TRIO: variants seen among roughly 807,000 people sequenced by gnomAD.
TRIO encodes triple functional domain protein.
A neutral mutation model predicts 351.9 loss-of-function variants in TRIO; 58 were observed. The observed-to-expected ratio is 0.16, with a 90% CI of 0.13 to 0.21. The LOEUF is 0.21. TRIO is among the 10% of genes least tolerant of loss of function. The pLI, the probability that TRIO is intolerant of heterozygous loss-of-function variation, is 1.00. For synonymous variants in TRIO, 1,758 were observed against 1,595.7 expected (o/e 1.10, Z -2.42); for missense variants, 3,201 against 4,027.8 (o/e 0.79, Z 5.56).
chr5:14,368,406 T>G (rs556919554), intron 16 of TRIO, among the ~76,000 whole-genome samples: 4 of 152,338 alleles, frequency 2.6e-5, no homozygotes, highest in South Asian at 4.1e-4. Context: ...ACCACTTCTT[T>G]GGCTGTTAAG....
In TRIO at chr5:14,159,450, T is replaced by A. The variant is rs543563446; in HGVS notation, c.157+15568T>A. 2.0e-5 allele frequency among the ~76,000 whole-genome samples: 3 copies of A among 152,348 alleles called. No homozygotes were observed. In the South Asian group the frequency reaches 6.2e-4, roughly 32 times the overall value. On this transcript the variant is annotated intron_variant, in intron 1 of 56. Transcript: ENST00000344204. The stretch of plus-strand genomic sequence containing the variant: ...TGATGATGCTTTAGCTTTTATTGTT[T>A]TTTAAACATTCTGGGAAAGTTGAAG...
intron 8 of TRIO, among the ~76,000 whole-genome samples, chr5:14,308,523 C>A (rs1738590229): frequency 6.6e-6 from 1 of 151,846 alleles, no homozygotes; most frequent in Non-Finnish European, 1.5e-5. Flanking sequence ...TCCCAACCTC[C>A]ATCCATTTAT....
At chr5:14,194,856 C>T (rs1194260278) in intron 1 of TRIO, among the ~76,000 whole-genome samples, 1 of 152,104 alleles carries the variant, frequency 6.6e-6, no homozygotes, top group Non-Finnish European at 1.5e-5. Context: ...TACCTTTTAC[C>T]CAGATATCTT....
At chr5:14,478,576 T>C (rs1378631621) in intron 41 of TRIO, among the ~76,000 whole-genome samples, 3 of 152,130 alleles carry the variant, frequency 2.0e-5, no homozygotes, top group Non-Finnish European at 4.4e-5. Context: ...TTAAAGAGCT[T>C]CTTCTCTACT....
At position 14,497,699 on chromosome 5, in the gene TRIO, G is replaced by C. The variant is rs1440003820; in HGVS notation, c.8020-148G>C. 1.0e-6 allele frequency: 1 copy of C among 976,862 alleles called. No individual in the cohort carries two copies. Among genetic ancestry groups the C allele is most frequent in the Non-Finnish European group, 1.6e-6 (1 of 624,552 alleles). The allele number at this position is 976,862 out of a possible 1,614,324, so 60.5% of individuals were successfully genotyped here. A position where few individuals can be genotyped will look rare whatever the true frequency, so the allele number is the denominator to read the frequency against. On this transcript the variant is annotated intron_variant, in intron 50 of 56. Transcript: ENST00000344204. The surrounding 1 kb of genome is among the most constrained non-coding windows in gnomAD (Gnocchi z 4.4). ...AATTAGTGTGACATGAAACTTTTGAGTGCAGTGAAAATGTGGTCTGTTTTG... is the reference window on the plus strand; with the variant it reads ...AATTAGTGTGACATGAAACTTTTGACTGCAGTGAAAATGTGGTCTGTTTTG...
At chr5:14,387,666 G>A (rs763433787) in intron 22 of TRIO, 34 bp downstream of exon 22, 3 of 1,608,772 alleles carry the variant, frequency 1.9e-6, no homozygotes, top group East Asian at 2.2e-5. Flanking sequence ...ATAAATTATG[G>A]TCTTCTTCCT....
chr5:14,489,861 G>C (rs1005552737), intron 48 of TRIO, among the ~76,000 whole-genome samples: 14 of 152,156 alleles, frequency 9.2e-5, no homozygotes, highest in Admixed American at 7.2e-4. Flanking sequence ...CTTCCTACTT[G>C]TTCTCATGTG....
chr5:14,380,346 G>GCTCCTCGCTCCTCC (rs1561417323), intron 20 of TRIO, among the ~76,000 whole-genome samples: 1 of 148,636 alleles, frequency 6.7e-6, no homozygotes, highest in African/African-American at 2.5e-5. Context: ...TTCGCTCCTC[G>GCTCCTCGCTCCTCC]CTCCTCGCTC....
At chr5:14,228,824 T>A (rs1161181642) in intron 1 of TRIO, among the ~76,000 whole-genome samples, 1 of 151,840 alleles carries the variant, frequency 6.6e-6, no homozygotes, top group Non-Finnish European at 1.5e-5. Context: ...TGAGCCGAGA[T>A]CATGCCACTG....
chr5:14,280,369 A>C lies in TRIO; in HGVS notation c.280A>C (p.Ser94Arg). The change falls in exon 3 of 57, where the codon AGC (serine) becomes CGC (arginine). Residue 94 changes from serine to arginine, a missense_variant. Ser to Arg is a moderately radical substitution (Grantham distance 110). Around this residue, in one of 19 missense-constraint regions of TRIO, gnomAD observed 109 missense variants for 134.6 expected, o/e 0.81. Transcript: ENST00000344204. Reference protein sequence around the residue: ...GGPILTFPARSNHDRIRQEDL... With the variant: ...GGPILTFPARRNHDRIRQEDL... Reference sequence around the variant, plus strand: ...TCCCATTTTAACGTTTCCGGCCCGCAGCAATCATGACAGAATACGACAGGA... The same window carrying C: ...TCCCATTTTAACGTTTCCGGCCCGCCGCAATCATGACAGAATACGACAGGA... 1 of 1,614,178 alleles carries C rather than the reference A, an allele frequency of 6.2e-7. No individual in the cohort carries two copies. The highest frequency in any genetic ancestry group is 1.1e-5 in the South Asian group (1 of 91,082).
In TRIO at chr5:14,487,816, C is replaced by CCGAGG; in HGVS notation, c.7188_7189insCGAGG (p.Ala2397ArgfsTer18). 6.8e-7 allele frequency: 1 copy of CCGAGG among 1,464,254 alleles called. No individual in the cohort carries two copies. The highest frequency in any genetic ancestry group is 9.0e-7 in the Non-Finnish European group (1 of 1,107,094). 90.7% of individuals were successfully genotyped at this position (1,464,254 alleles called of 1,614,324 possible). A position where few individuals can be genotyped will look rare whatever the true frequency, so the allele number is the denominator to read the frequency against. On this transcript the variant is annotated frameshift_variant, in exon 48 of 57. Transcript: ENST00000344204. LOFTEE classifies it high-confidence loss of function. ...GCGCGCCCAGCAGGCGGCCCCCCGG[C>CCGAGG]GCGGACGCCGAGGGGTCCGAGCGAG...
chr5:14,182,012 A>T (rs1789801161), intron 1 of TRIO, among the ~76,000 whole-genome samples: 1 of 152,152 alleles, frequency 6.6e-6, no homozygotes, highest in East Asian at 1.9e-4. Context: ...TAAGAAATTA[A>T]TATTTTGAAT....
chr5:14,396,617 A>C (rs1377733467), intron 28 of TRIO, among the ~76,000 whole-genome samples: 2 of 150,976 alleles, frequency 1.3e-5, no homozygotes, highest in African/African-American at 2.4e-5. Context: ...TTACAGGTGC[A>C]TGCCACCATG....
intron 8 of TRIO, among the ~76,000 whole-genome samples, chr5:14,312,857 T>C (rs1026910894): frequency 1.3e-5 from 2 of 152,246 alleles, no homozygotes; most frequent in African/African-American, 2.4e-5. Flanking sequence ...TTAAAAATTA[T>C]TATCTCTATA....
At chr5:14,435,345 C>A (rs948175682) in intron 34 of TRIO, among the ~76,000 whole-genome samples, 1 of 152,180 alleles carries the variant, frequency 6.6e-6, no homozygotes, top group African/African-American at 2.4e-5. Context: ...GCAGACTTCC[C>A]GAGGCTCCAC....
At chr5:14,257,797 T>A (rs966164663) in intron 1 of TRIO, among the ~76,000 whole-genome samples, 1 of 152,228 alleles carries the variant, frequency 6.6e-6, no homozygotes, top group African/African-American at 2.4e-5. Flanking sequence ...TAGTTTTAAG[T>A]AAAGATGTCT....
chr5:14,160,302 AC>A (rs1237133772), intron 1 of TRIO, among the ~76,000 whole-genome samples: 4 of 152,166 alleles, frequency 2.6e-5, no homozygotes, highest in African/African-American at 9.7e-5. Flanking sequence ...CCGGGGGGTG[AC>A]CTTTTCATGA....
intron 34 of TRIO, among the ~76,000 whole-genome samples, chr5:14,428,524 G>A (rs1750833661): frequency 6.6e-6 from 1 of 152,160 alleles, no homozygotes; most frequent in Non-Finnish European, 1.5e-5. Context: ...CCTTTCCTGA[G>A]CACCGTGCAG....
At chr5:14,454,580 G>C (rs376405099) in intron 34 of TRIO, among the ~76,000 whole-genome samples, 1 of 152,180 alleles carries the variant, frequency 6.6e-6, no homozygotes, top group South Asian at 2.1e-4. Context: ...CTTGCAGCTG[G>C]TTTGTTGGCT....
Sources: gnomAD v4.1 joint callset for allele counts (sites outside exome capture counted in the v4.1 genomes callset) on GRCh38, gnomAD v4.1.1 for gene constraint, gnomAD v4.1.1 regional missense constraint, Gnocchi (gnomAD v3.1) non-coding constraint, MANE v1.5 for transcripts, NCBI Gene and HGNC (gene_info 2026-07-23, HGNC 2026-07-21) for gene names.